The following MYO16 variants were observed in gnomAD, a reference collection of about 807,000 sequenced individuals.
MYO16 encodes myosin XVI, also known as unconventional myosin-XVI.
Under a neutral mutation model 205.3 loss-of-function variants are expected in MYO16, and 94 were observed. That is an observed-to-expected ratio of 0.46 (90% CI 0.39 to 0.54). The LOEUF (loss-of-function observed/expected upper bound fraction) is 0.54, where lower values mean the gene tolerates loss of function less well. Among genes scored for constraint, MYO16 ranks in the 20% least tolerant of loss-of-function variants. The probability of loss-of-function intolerance (pLI) is 0.00; values close to 1 mark genes in which losing one functional copy is unlikely to be tolerated. For missense variants in MYO16, 2,315 were observed against 2,387.5 expected (o/e 0.97, Z 0.63); for synonymous variants, 988 against 954.0 (o/e 1.04, Z -0.66).
At chr13:108,592,062 G>T (rs1878412732), upstream of MYO16, among the ~76,000 whole-genome samples, 1 of 148,466 alleles carries the variant, frequency 6.7e-6, no homozygotes, top group South Asian at 2.2e-4. Flanking sequence ...TATTGTGTGT[G>T]GGATGTGTGG....
At chr13:108,764,865 A>G (rs534619430) in intron 4 of MYO16, among the ~76,000 whole-genome samples, 1 of 152,320 alleles carries the variant, frequency 6.6e-6, no homozygotes, top group Non-Finnish European at 1.5e-5. Context: ...TGAATTTAGT[A>G]GATTTGAAAC....
At chr13:109,184,711 C>T (rs747798120) in intron 34 of MYO16, among the ~76,000 whole-genome samples, 46 of 152,134 alleles carry the variant, frequency 3.0e-4, no homozygotes, top group Non-Finnish European at 5.9e-4. Context: ...ATTCTTCTGC[C>T]TCAGCCTCCC....
intron 32 of MYO16, among the ~76,000 whole-genome samples, chr13:109,142,080 C>T (rs1055353832): frequency 6.6e-6 from 1 of 152,178 alleles, no homozygotes; most frequent in African/African-American, 2.4e-5. Context: ...TTTTGTGTCC[C>T]TGTAGAAGAA....
chr13:108,543,503 G>A, the MYO16 span, among the ~76,000 whole-genome samples: 18 of 151,786 alleles, frequency 1.2e-4, no homozygotes, highest in African/African-American at 2.4e-4. Context: ...TTAGCCGGGC[G>A]TGGTGGCGGG....
intron 32 of MYO16, among the ~76,000 whole-genome samples, chr13:109,145,411 G>A (rs1161078166): frequency 1.3e-5 from 2 of 152,034 alleles, no homozygotes; most frequent in Non-Finnish European, 2.9e-5. Flanking sequence ...TGTTCACTGA[G>A]GGGCAACGAG....
intron 27 of MYO16, among the ~76,000 whole-genome samples, chr13:109,087,577 T>C (rs920086462): frequency 1.1e-4 from 16 of 150,844 alleles, no homozygotes; most frequent in Non-Finnish European, 1.3e-4. Flanking sequence ...ACCCAGGAGG[T>C]GGAGGTTGCA....
At chr13:108,907,728 T>G (rs1205124513) in intron 15 of MYO16, among the ~76,000 whole-genome samples, 1 of 152,184 alleles carries the variant, frequency 6.6e-6, no homozygotes, top group Non-Finnish European at 1.5e-5. Flanking sequence ...GCTAACCAGG[T>G]TGATTAATAA....
At chr13:108,811,617 C>A (rs1887295818) in intron 7 of MYO16, among the ~76,000 whole-genome samples, 1 of 151,990 alleles carries the variant, frequency 6.6e-6, no homozygotes, top group Non-Finnish European at 1.5e-5. Flanking sequence ...ATTTGTTCAC[C>A]ACAAAACTAA....
At chr13:108,640,047 G>C (rs1372937989) in intron 1 of MYO16, among the ~76,000 whole-genome samples, 1 of 152,194 alleles carries the variant, frequency 6.6e-6, no homozygotes, top group Non-Finnish European at 1.5e-5. Flanking sequence ...CTGCAGCTCA[G>C]GTGAGAGATG....
chr13:109,184,236 C>G (rs1879579794), intron 34 of MYO16, among the ~76,000 whole-genome samples: 1 of 151,958 alleles, frequency 6.6e-6, no homozygotes, highest in Admixed American at 6.6e-5. Context: ...AGAAGGAGAT[C>G]TAGCACACAA....
the MYO16 span, among the ~76,000 whole-genome samples, chr13:108,584,968 A>G: frequency 6.6e-6 from 1 of 152,358 alleles, no homozygotes; most frequent in Admixed American, 6.5e-5. Context: ...TTTTAGGCCC[A>G]TAACAAAAGT....
chr13:108,551,817 G>A, the MYO16 span, among the ~76,000 whole-genome samples: 3 of 152,132 alleles, frequency 2.0e-5, no homozygotes, highest in African/African-American at 7.2e-5. Context: ...TTTTCTCATG[G>A]TAACTGTTGT....
At chr13:109,177,332 TCTTC>T (rs748922792) in intron 33 of MYO16, among the ~76,000 whole-genome samples, 5 of 152,180 alleles carry the variant, frequency 3.3e-5, no homozygotes, top group Non-Finnish European at 5.9e-5. Flanking sequence ...TTTTCTTCGT[TCTTC>T]CTTGTATTTC....
chr13:109,126,062 GA>G (rs1276565156), intron 30 of MYO16, among the ~76,000 whole-genome samples: 1 of 152,150 alleles, frequency 6.6e-6, no homozygotes, highest in Non-Finnish European at 1.5e-5. Context: ...CATCGTCAGG[GA>G]GATGTTTGTT....
chr13:109,156,596 C>T (rs969947117), intron 32 of MYO16, among the ~76,000 whole-genome samples: 5 of 152,214 alleles, frequency 3.3e-5, no homozygotes, highest in African/African-American at 1.2e-4. Context: ...TGATCTCTAG[C>T]GCAGGTACCT....
chr13:109,091,697 T>A (rs1037354313), intron 27 of MYO16, among the ~76,000 whole-genome samples: 1 of 152,160 alleles, frequency 6.6e-6, no homozygotes, highest in Admixed American at 6.5e-5. Flanking sequence ...TCCTTTCCTC[T>A]CCCCTTCACC....
chr13:108,502,681 C>A, the MYO16 span, among the ~76,000 whole-genome samples: 7 of 152,078 alleles, frequency 4.6e-5, no homozygotes, highest in Non-Finnish European at 8.8e-5. Flanking sequence ...TAAATAATTT[C>A]TTTAAGAATG....
At chr13:108,734,053 G>A (rs929677948) in intron 4 of MYO16, among the ~76,000 whole-genome samples, 8 of 152,252 alleles carry the variant, frequency 5.3e-5, no homozygotes, top group Admixed American at 3.3e-4. Flanking sequence ...CAGATACTTA[G>A]CAAATACTGA....
At position 108,660,535 on chromosome 13, in the gene MYO16, T is replaced by C. The variant is rs147625152; in HGVS notation, c.29-5351T>C. On this transcript the variant is annotated intron_variant, in intron 1 of 34. Coordinates refer to ENST00000457511, the MANE Select transcript of MYO16 (RefSeq NM_001198950.3). ...TTTACCATTATATAATGTCTCTCTT[T>C]GTCTCTTTTAACTACTGTTGCTTTA... is the stretch of plus-strand genomic sequence containing the variant. 4.2e-3 allele frequency among the ~76,000 whole-genome samples: 640 copies of C among 152,362 alleles called. 6 individuals carry two copies. The highest frequency in any genetic ancestry group is 0.015 in the African/African-American group (610 of 41,590).
Sources: allele counts gnomAD v4.1 joint callset (sites outside exome capture counted in the v4.1 genomes callset), GRCh38; gene constraint gnomAD v4.1.1; transcripts MANE v1.5; gene names NCBI Gene and HGNC (gene_info 2026-07-23, HGNC 2026-07-21).